ADGRL3: variants seen among roughly 807,000 people sequenced by gnomAD.
The protein encoded by ADGRL3 is calcium-independent alpha-latrotoxin receptor 3.
A neutral mutation model predicts 153.5 loss-of-function variants in ADGRL3; 62 were observed. The observed-to-expected ratio is 0.40, with a 90% CI of 0.33 to 0.50. The LOEUF (loss-of-function observed/expected upper bound fraction) is 0.50, where lower values mean the gene tolerates loss of function less well. Ranked by LOEUF, ADGRL3 falls within the 20% of genes least tolerant of loss-of-function variation. The probability of loss-of-function intolerance (pLI) is 0.47; values close to 1 mark genes in which losing one functional copy is unlikely to be tolerated. For missense variants in ADGRL3, 1,641 were observed against 1,859.4 expected, an observed-to-expected ratio of 0.88 and a Z score of 2.16; for synonymous variants, 710 against 672.5, an observed-to-expected ratio of 1.06 and a Z score of -0.86.
At chr4:61,843,085 C>G (rs1268951750) in intron 9 of ADGRL3, among the ~76,000 whole-genome samples, 3 of 152,034 alleles carry the variant, frequency 2.0e-5, no homozygotes, top group African/African-American at 7.2e-5. Context: ...AGGATTAAGT[C>G]TTTCAAAATG....
chr4:61,437,923 C>A (rs1252145399), intron 2 of ADGRL3, among the ~76,000 whole-genome samples: 1 of 152,156 alleles, frequency 6.6e-6, no homozygotes, highest in Non-Finnish European at 1.5e-5. Flanking sequence ...ACATTAATGA[C>A]ACTTTTCTCC....
intron 1 of ADGRL3, among the ~76,000 whole-genome samples, chr4:61,347,000 T>A (rs975223381): frequency 1.3e-5 from 2 of 152,084 alleles, no homozygotes; most frequent in Non-Finnish European, 2.9e-5. Context: ...GGGGGCATGA[T>A]ACCTTTGCTT....
At chr4:61,734,773 T>C (rs973015969) in intron 8 of ADGRL3, among the ~76,000 whole-genome samples, 8 of 152,222 alleles carry the variant, frequency 5.3e-5, no homozygotes, top group African/African-American at 1.7e-4. Flanking sequence ...TTGATGGTAA[T>C]ATAGCAATTC....
chr4:61,692,342 C>T (rs1273088898), intron 6 of ADGRL3, among the ~76,000 whole-genome samples: 3 of 152,070 alleles, frequency 2.0e-5, no homozygotes, highest in Non-Finnish European at 4.4e-5. Flanking sequence ...ATTTCTCAAC[C>T]CCATATAAGG....
chr4:61,691,722 G>T (rs1189346601), intron 6 of ADGRL3, among the ~76,000 whole-genome samples: 1 of 152,074 alleles, frequency 6.6e-6, no homozygotes, highest in Non-Finnish European at 1.5e-5. Flanking sequence ...GAATACCAAG[G>T]TATAAAAATT....
At chr4:61,434,429 T>G (rs1578839697) in intron 2 of ADGRL3, among the ~76,000 whole-genome samples, 1 of 152,262 alleles carries the variant, frequency 6.6e-6, no homozygotes, top group Middle Eastern at 3.4e-3. Context: ...ACATATGTTA[T>G]GTATACATAT....
chr4:61,497,110 C>G lies in ADGRL3; in HGVS notation c.-173-11C>G. On this transcript the variant is annotated splice_polypyrimidine_tract_variant and intron_variant, in intron 2 of 26. Coordinates refer to ENST00000683033, the MANE Select transcript of ADGRL3 (RefSeq NM_001387552.1). ...TTTATACAATAACCCTTTTTTTTTTCTTTTTTGCAGGTTTCAGATTTGGGA... is the reference window on the plus strand; with the variant it reads ...TTTATACAATAACCCTTTTTTTTTTGTTTTTTGCAGGTTTCAGATTTGGGA... 4.6e-6 allele frequency: 2 copies of G among 430,170 alleles called. No homozygotes were observed. The highest frequency in any genetic ancestry group is 8.0e-6 in the Non-Finnish European group (2 of 248,830). 26.6% of individuals were successfully genotyped at this position (430,170 alleles called of 1,614,324 possible).
rs1228902066 is a variant in ADGRL3, at chr4:61,200,792, G to C, written c.-1213G>C. On this transcript the variant is annotated 5_prime_UTR_variant, in exon 1 of 27. Transcript: ENST00000683033. ...AAGAAGAGAAAGAACCGAAGAGACA[G>C]CGGCGGCGGCGCAGAGCCCGGGGCC... Among the ~76,000 whole-genome samples, 1 of 152,116 alleles carries C rather than the reference G, an allele frequency of 6.6e-6. No homozygotes were observed. Among genetic ancestry groups the C allele is most frequent in the Non-Finnish European group, 1.5e-5 (1 of 68,006 alleles).
intron 26 of ADGRL3, among the ~76,000 whole-genome samples, chr4:62,069,082 A>C (rs931044291): frequency 2.0e-5 from 3 of 152,158 alleles, no homozygotes; most frequent in Non-Finnish European, 4.4e-5. Context: ...GTTGCATTTG[A>C]AGTGATTTAT....
chr4:61,620,874 C>T (rs905742152), intron 5 of ADGRL3, among the ~76,000 whole-genome samples: 11 of 151,838 alleles, frequency 7.2e-5, no homozygotes, highest in African/African-American at 2.7e-4. Context: ...CTCCTGACCT[C>T]GTGATCCACC....
chr4:61,440,405 A>G (rs2097514555), intron 2 of ADGRL3, among the ~76,000 whole-genome samples: 1 of 152,126 alleles, frequency 6.6e-6, no homozygotes, highest in African/African-American at 2.4e-5. Context: ...TTTGCTCCAT[A>G]ATTCGTTTTG....
intron 1 of ADGRL3, among the ~76,000 whole-genome samples, chr4:61,252,124 C>G (rs1759535101): frequency 6.6e-6 from 1 of 152,044 alleles, no homozygotes; most frequent in South Asian, 2.1e-4. Context: ...CTCAGGTGAT[C>G]CACCCACCTC....
intron 5 of ADGRL3, among the ~76,000 whole-genome samples, chr4:61,660,153 C>T (rs531837542): frequency 2.0e-5 from 3 of 152,228 alleles, no homozygotes; most frequent in East Asian, 1.9e-4. Context: ...GGCTTTTTAA[C>T]GTCTTTCTTC....
At chr4:61,805,048 CG>C (rs1561280923) in intron 8 of ADGRL3, among the ~76,000 whole-genome samples, 1 of 151,688 alleles carries the variant, frequency 6.6e-6, no homozygotes, top group African/African-American at 2.4e-5. Context: ...CTCCACCTCC[CG>C]GATTCAAGCG....
intron 9 of ADGRL3, among the ~76,000 whole-genome samples, chr4:61,878,384 A>T (rs1043809589): frequency 6.6e-6 from 1 of 152,222 alleles, no homozygotes; most frequent in Admixed American, 6.5e-5. Flanking sequence ...AGTCAAGTTA[A>T]TGATCATATA....
At chr4:61,626,579 G>A (rs1008821557) in intron 5 of ADGRL3, among the ~76,000 whole-genome samples, 3 of 151,972 alleles carry the variant, frequency 2.0e-5, no homozygotes, top group Non-Finnish European at 2.9e-5. Flanking sequence ...CCAAGGATAT[G>A]TTTCCTAAGT....
chr4:61,979,787 T>C lies in ADGRL3; in HGVS notation c.3015+15T>C, dbSNP rs2099061101. On this transcript the variant is annotated intron_variant, in intron 18 of 26. Transcript: ENST00000683033. ...CTGACCAACCAGTAAGCAACCTACATTGATACCAGTGAAGAATTTTTCCAC... is the reference window on the plus strand; with the variant it reads ...CTGACCAACCAGTAAGCAACCTACACTGATACCAGTGAAGAATTTTTCCAC... The C allele has an allele frequency of 1.2e-6, 2 of 1,602,432 alleles. No individual in the cohort carries two copies. The highest frequency in any genetic ancestry group is 1.7e-6 in the Non-Finnish European group (2 of 1,170,386).
At chr4:61,230,522 G>A (rs888614641) in intron 1 of ADGRL3, among the ~76,000 whole-genome samples, 1 of 151,972 alleles carries the variant, frequency 6.6e-6, no homozygotes, top group Non-Finnish European at 1.5e-5. Flanking sequence ...TGATTTGGGG[G>A]TTATGTTATT....
chr4:61,770,390 A>G (rs925415327), intron 8 of ADGRL3, among the ~76,000 whole-genome samples: 5 of 152,190 alleles, frequency 3.3e-5, no homozygotes, highest in African/African-American at 1.2e-4. Context: ...CATAGCAAAA[A>G]GATCACCCGC....
Sources: gnomAD v4.1 joint callset for allele counts (sites outside exome capture counted in the v4.1 genomes callset) on GRCh38, gnomAD v4.1.1 for gene constraint, MANE v1.5 for transcripts, NCBI Gene and HGNC (gene_info 2026-07-23, HGNC 2026-07-21) for gene names.